Variants in GRSF1 observed in about 807,000 individuals in gnomAD.
The protein encoded by GRSF1 is G-rich RNA sequence binding factor 1, also known as G-rich sequence factor 1.
In GRSF1, 50 loss-of-function variants were observed where a neutral mutation model predicts 51.1. The ratio of observed to expected loss-of-function variants is 0.98; its 90% CI spans 0.78 to 1.24. The LOEUF (loss-of-function observed/expected upper bound fraction) is 1.24. GRSF1 is among the 50% of genes most tolerant of loss of function. GRSF1 has a pLI of 0.00. For missense variants in GRSF1, 700 were observed against 639.7 expected, an observed-to-expected ratio of 1.09 and a Z score of -1.02; for synonymous variants, 293 against 253.3, an observed-to-expected ratio of 1.16 and a Z score of -1.49.
At chr4:70,838,957 G>A (rs1162723837) in intron 1 of GRSF1, 1 of 365,742 alleles carries the variant, frequency 2.7e-6, no homozygotes, top group Non-Finnish European at 5.1e-6. Flanking sequence ...ACGGCGCGAT[G>A]GGGACAGGCT....
Position 70,839,621 on chromosome 4 carries a change from C to A in GRSF1, c.207G>T (p.Gly69=), listed in dbSNP as rs1396569005. 2 of 1,407,228 alleles carry A rather than the reference C, an allele frequency of 1.4e-6. No homozygotes were observed. The highest frequency in any genetic ancestry group is 1.5e-5 in the South Asian group (1 of 66,004). 87.2% of individuals were successfully genotyped at this position (1,407,228 alleles called of 1,614,324 possible). A position where few individuals can be genotyped will look rare whatever the true frequency, so the allele number is the denominator to read the frequency against. The part of the protein sequence containing the change: ...AASQTRGLQT[G]PVPPGRLAGP... ...CCGCCAGCCTCCCGGGAGGCACAGGCCCGGTCTGGAGGCCACGCGTCTGGG... is the reference window on the plus strand; with the variant it reads ...CCGCCAGCCTCCCGGGAGGCACAGGACCGGTCTGGAGGCCACGCGTCTGGG... Residue 69 remains glycine (G), a synonymous_variant, in exon 1 of 10, where the codon GGG becomes GGT. Coordinates refer to ENST00000254799, the MANE Select transcript of GRSF1 (RefSeq NM_002092.4).
At chr4:70,823,334 T>C (rs1253150322) in intron 9 of GRSF1, among the ~76,000 whole-genome samples, 1 of 151,688 alleles carries the variant, frequency 6.6e-6, no homozygotes, top group Non-Finnish European at 1.5e-5. Flanking sequence ...GAGGTGGAAG[T>C]TGCAGTGAGT....
At chr4:70,832,849 G>A (rs1047001694) in intron 3 of GRSF1, among the ~76,000 whole-genome samples, 4 of 152,224 alleles carry the variant, frequency 2.6e-5, no homozygotes, top group Non-Finnish European at 4.4e-5. Context: ...TTGGGAGGCT[G>A]AGACAGGAGA....
chr4:70,840,682 G>T (rs1734430766), upstream of GRSF1, among the ~76,000 whole-genome samples: 1 of 152,192 alleles, frequency 6.6e-6, no homozygotes, highest in African/African-American at 2.4e-5. Context: ...AGAATCGCTT[G>T]AACCCAGGAG....
chr4:70,833,115 T>A lies in GRSF1; in HGVS notation c.670+3A>T, dbSNP rs1734053830. 1.9e-6 allele frequency: 3 copies of A among 1,612,262 alleles called. No homozygotes were observed. The highest frequency in any genetic ancestry group is 2.5e-6 in the Non-Finnish European group (3 of 1,179,330). ...CAAAAAGCCATAATCTGACTTCACA[T>A]ACCTTCCACATACCGCTGGCCCATG... On this transcript the variant is annotated splice_donor_region_variant and intron_variant, in intron 3 of 9. Coordinates refer to ENST00000254799, the MANE Select transcript of GRSF1 (RefSeq NM_002092.4).
chr4:70,827,311 A>C (rs1434616860), intron 6 of GRSF1, among the ~76,000 whole-genome samples: 4 of 151,546 alleles, frequency 2.6e-5, no homozygotes, highest in Admixed American at 6.6e-5. Flanking sequence ...TCCTTACTTC[A>C]GTCAATATTC....
rs1733425339 is a variant in GRSF1, at chr4:70,819,438, A to T, written c.*1449T>A. The T allele has an allele frequency of 6.6e-6, 1 of 152,234 alleles. No homozygotes were observed. The highest frequency in any genetic ancestry group is 2.4e-5 in the African/African-American group (1 of 41,472). 9.4% of individuals were successfully genotyped at this position (152,234 alleles called of 1,614,324 possible). On this transcript the variant is annotated 3_prime_UTR_variant, in exon 10 of 10. Transcript: ENST00000254799. ...TTTAGAGAACACACACACGAAAATT[A>T]ACCCTTACTACTTATATTAATATAG...
At position 70,836,308 on chromosome 4, in the gene GRSF1, T is replaced by C. The variant is rs763795101; in HGVS notation, c.364A>G (p.Lys122Glu). Reference protein sequence around the residue: ...VPTRSYSQESKTTYLEDLPPP... With the variant: ...VPTRSYSQESETTYLEDLPPP... ...GGAAGGTCTTCCAGGTAAGTAGTTT[T>C]GGACTCCTTCCAAAGGAAATGAAGA... Residue 122 changes from lysine (K) to glutamate (E), a missense_variant, in exon 2 of 10, where the codon AAA (lysine) becomes GAA (glutamate). Physicochemically the swap from Lys to Glu is moderately conservative, Grantham distance 56 (BLOSUM62 1). Transcript: ENST00000254799. 5.1e-5 allele frequency: 80 copies of C among 1,570,838 alleles called. No homozygotes were observed. Among genetic ancestry groups the C allele is most frequent in the Non-Finnish European group, 6.4e-5 (74 of 1,165,104 alleles).
chr4:70,823,503 C>T (rs1733606091), intron 9 of GRSF1, among the ~76,000 whole-genome samples: 1 of 148,366 alleles, frequency 6.7e-6, no homozygotes. Flanking sequence ...TTGCCCCCCA[C>T]ATCTGAGAAG....
chr4:70,823,792 C>T (rs1327460527), intron 9 of GRSF1, among the ~76,000 whole-genome samples: 1 of 151,870 alleles, frequency 6.6e-6, no homozygotes, highest in East Asian at 1.9e-4. Flanking sequence ...ATCACCTGAG[C>T]CCAGAAGGTT....
At position 70,831,677 on chromosome 4, in the gene GRSF1, A is replaced by G; in HGVS notation, c.815-3T>C. 1.9e-6 allele frequency: 3 copies of G among 1,605,400 alleles called. No homozygotes were observed. The highest frequency in any genetic ancestry group is 2.5e-6 in the Non-Finnish European group (3 of 1,176,932). On this transcript the variant is annotated splice_region_variant and splice_polypyrimidine_tract_variant and intron_variant, in intron 4 of 9. Coordinates refer to ENST00000254799, the MANE Select transcript of GRSF1 (RefSeq NM_002092.4). ...AGTAATGTCAACTATATTCAGTCCTAGGACACCAAGAGATTTTAATGCTAC... is the reference window on the plus strand; with the variant it reads ...AGTAATGTCAACTATATTCAGTCCTGGGACACCAAGAGATTTTAATGCTAC...
At chr4:70,842,482 C>A (rs2148850880), upstream of GRSF1, among the ~76,000 whole-genome samples, 1 of 152,234 alleles carries the variant, frequency 6.6e-6, no homozygotes, top group African/African-American at 2.4e-5. Context: ...TTTGCCCGAG[C>A]TGGGGTGCAG....
chr4:70,832,278 C>T, intron 4 of GRSF1, 29 bp downstream of exon 4: 1 of 1,594,832 alleles, frequency 6.3e-7, no homozygotes, highest in South Asian at 1.1e-5. Context: ...AAGATATGAG[C>T]TCCCAAGCAT....
At chr4:70,832,633 CTTT>C (rs953260774) in intron 3 of GRSF1, among the ~76,000 whole-genome samples, 183 bp from the exon 4 acceptor site, 5 of 152,202 alleles carry the variant, frequency 3.3e-5, no homozygotes, top group African/African-American at 4.8e-5. Flanking sequence ...GGCATAACTT[CTTT>C]ATTTCTCACA....
intron 8 of GRSF1, 122 bp from the exon 9 acceptor site, chr4:70,824,490 A>G: frequency 1.6e-6 from 1 of 614,274 alleles, no homozygotes; most frequent in South Asian, 1.8e-5. Context: ...CTAATTAAAA[A>G]CAAAATTTAG....
Position 70,839,696 on chromosome 4 carries a change from C to T in GRSF1, c.132G>A (p.Ser44=). The change falls in exon 1 of 10, where the codon TCG becomes TCA. Residue 44 remains serine, a synonymous_variant. Coordinates refer to ENST00000254799, the MANE Select transcript of GRSF1 (RefSeq NM_002092.4). ...SAAGSIPSGV[S]GRRRLLLLLG... is the part of the protein sequence containing the mutation. ...GCAGCAGCAGCAGGCGGCGGCGGCC[C>T]GAGACGCCCGACGGGATAGAGCCAG... The T allele has an allele frequency of 2.1e-6, 3 of 1,457,408 alleles. No homozygotes were observed. The highest frequency in any genetic ancestry group is 3.0e-5 in the East Asian group (1 of 33,694). The allele number at this position is 1,457,408 out of a possible 1,614,324, so 90.3% of individuals were successfully genotyped here.
At position 70,833,277 on chromosome 4, in the gene GRSF1, A is replaced by G; in HGVS notation, c.515-4T>C. ...TCACCGTTGCGGATTCTGCAGTCTA[A>G]AAGTGTATGAGCAAAATCAATTGAA... On this transcript the variant is annotated splice_polypyrimidine_tract_variant and splice_region_variant and intron_variant, in intron 2 of 9. Transcript: ENST00000254799. 6.2e-7 allele frequency: 1 copy of G among 1,612,420 alleles called. No individual in the cohort carries two copies. The highest frequency in any genetic ancestry group is 8.5e-7 in the Non-Finnish European group (1 of 1,179,112).
intron 8 of GRSF1, 139 bp from the exon 9 acceptor site, chr4:70,824,507 C>A: frequency 1.8e-6 from 1 of 560,262 alleles, no homozygotes; most frequent in Non-Finnish European, 3.3e-6. Flanking sequence ...TTAGGCCAGA[C>A]ACGGTGGCTC....
chr4:70,838,989 C>G (rs1734341898), intron 1 of GRSF1: 1 of 444,126 alleles, frequency 2.3e-6, no homozygotes. Flanking sequence ...AGCCAGCCCA[C>G]GCAACTGTGT....
Sources: gnomAD v4.1 joint callset for allele counts (sites outside exome capture counted in the v4.1 genomes callset) on GRCh38, gnomAD v4.1.1 for gene constraint, MANE v1.5 for transcripts, NCBI Gene and HGNC (gene_info 2026-07-23, HGNC 2026-07-21) for gene names.